Variants in ZDHHC2 observed in about 807,000 individuals in gnomAD.
The protein encoded by ZDHHC2 is palmitoyltransferase ZDHHC2.
A neutral mutation model predicts 55.6 loss-of-function variants in ZDHHC2; 51 were observed. That is an observed-to-expected ratio of 0.92 (90% confidence interval 0.73 to 1.16). The LOEUF (loss-of-function observed/expected upper bound fraction) is 1.16. Among genes scored for constraint, ZDHHC2 ranks in the 50% most tolerant of loss-of-function variants. The pLI, the probability that ZDHHC2 is intolerant of heterozygous loss-of-function variation, is 0.00. For synonymous variants in ZDHHC2, 199 were observed against 152.9 expected, an observed-to-expected ratio of 1.30 and a Z score of -2.22; for missense variants, 491 against 442.4, an observed-to-expected ratio of 1.11 and a Z score of -0.99.
chr8:17,203,056 C>T (rs1192576145), intron 6 of ZDHHC2, among the ~76,000 whole-genome samples: 1 of 124,418 alleles, frequency 8.0e-6, no homozygotes, highest in Non-Finnish European at 1.6e-5. Flanking sequence ...CCCATGTTGT[C>T]CAAAGTCTTT....
intron 1 of ZDHHC2, among the ~76,000 whole-genome samples, chr8:17,170,830 A>T (rs1804820606): frequency 6.6e-6 from 1 of 152,240 alleles, no homozygotes; most frequent in South Asian, 2.1e-4. Flanking sequence ...TAACCAATAT[A>T]CATGTGGGAC....
At chr8:17,199,478 CT>C (rs1806516649) in intron 6 of ZDHHC2, among the ~76,000 whole-genome samples, 1 of 30,806 alleles carries the variant, frequency 3.2e-5, no homozygotes, top group Admixed American at 3.1e-4. Flanking sequence ...TCTTCTTCTT[CT>C]TCTTCTTCTT....
At chr8:17,188,456 G>A (rs1805842817) in intron 3 of ZDHHC2, among the ~76,000 whole-genome samples, 1 of 152,024 alleles carries the variant, frequency 6.6e-6, no homozygotes, top group Admixed American at 6.6e-5. Context: ...TATACAACAT[G>A]GCATTATTTC....
At chr8:17,172,704 T>C (rs1804919754) in intron 1 of ZDHHC2, among the ~76,000 whole-genome samples, 1 of 152,208 alleles carries the variant, frequency 6.6e-6, no homozygotes, top group Non-Finnish European at 1.5e-5. Flanking sequence ...CTGTCTCTCT[T>C]AATGTCAGTG....
chr8:17,169,518 A>C (rs1423003240), intron 1 of ZDHHC2, among the ~76,000 whole-genome samples: 1 of 152,186 alleles, frequency 6.6e-6, no homozygotes, highest in Admixed American at 6.5e-5. Context: ...ATATTAGCAG[A>C]TGGAAATGGT....
At chr8:17,162,613 G>A (rs1208863423) in intron 1 of ZDHHC2, among the ~76,000 whole-genome samples, 6 of 152,078 alleles carry the variant, frequency 3.9e-5, no homozygotes, top group South Asian at 2.1e-4. Context: ...GGCATTTCCC[G>A]CCACAGAAAT....
At chr8:17,156,902 C>T (rs943997783) in intron 1 of ZDHHC2, 49 bp downstream of exon 1, 3 of 1,460,298 alleles carry the variant, frequency 2.1e-6, no homozygotes, top group Non-Finnish European at 2.7e-6. Flanking sequence ...CAGCCCACCC[C>T]GACTGTCCCG....
At chr8:17,210,573 A>G (rs1325790573) in intron 10 of ZDHHC2, 93 bp downstream of exon 10, 3 of 1,103,970 alleles carry the variant, frequency 2.7e-6, no homozygotes, top group Non-Finnish European at 3.8e-6. Context: ...AAAAATGAAG[A>G]CCATAAGAAA....
In ZDHHC2 at chr8:17,220,678, C is replaced by G. The variant is rs1006306533; in HGVS notation, c.*457C>G. The stretch of plus-strand genomic sequence containing the variant: ...AAGCATTATTCATAAAACTTGTTAC[C>G]TTTAAGAAGGTGGAAGTGGCAAACC... On this transcript the variant is annotated 3_prime_UTR_variant, in exon 13 of 13. Transcript: ENST00000262096. 1 of 152,108 alleles carries G rather than the reference C, an allele frequency of 6.6e-6. No homozygotes were observed. The highest frequency in any genetic ancestry group is 1.5e-5 in the Non-Finnish European group (1 of 68,018). 9.4% of individuals were successfully genotyped at this position (152,108 alleles called of 1,614,324 possible).
In ZDHHC2 at chr8:17,191,410, C is replaced by G. The variant is rs556817847; in HGVS notation, c.253-4094C>G. 2.8e-4 allele frequency among the ~76,000 whole-genome samples: 42 copies of G among 152,318 alleles called. 1 individual carries two copies. Among genetic ancestry groups the G allele is most frequent in the Admixed American group, 2.1e-3 (32 of 15,306 alleles). On this transcript the variant is annotated intron_variant, in intron 3 of 12. Coordinates refer to ENST00000262096, the MANE Select transcript of ZDHHC2 (RefSeq NM_016353.5). ...CTGCGCCCAGCCTTATTCATTCTTT[C>G]TAACTTTTTTGGTTTTGTTACCGTT... is the stretch of plus-strand genomic sequence containing the variant.
At chr8:17,199,612 C>CCT (rs1554466229) in intron 6 of ZDHHC2, among the ~76,000 whole-genome samples, 3,324 of 68,918 alleles carry the variant, frequency 0.048, 248 homozygotes, top group African/African-American at 0.12. Flanking sequence ...ATTCTTTCTT[C>CCT]TTCTTCTTCT....
At chr8:17,192,663 T>C (rs955274995) in intron 3 of ZDHHC2, among the ~76,000 whole-genome samples, 4 of 152,246 alleles carry the variant, frequency 2.6e-5, no homozygotes, top group African/African-American at 9.6e-5. Context: ...TTTGGTTGCC[T>C]GTGCTTGTGA....
At chr8:17,181,611 TAAATC>T (rs1374685481) in intron 1 of ZDHHC2, among the ~76,000 whole-genome samples, 2 of 152,202 alleles carry the variant, frequency 1.3e-5, no homozygotes, top group Non-Finnish European at 2.9e-5. Context: ...GCATCATTGT[TAAATC>T]AAACAAATTG....
intron 1 of ZDHHC2, among the ~76,000 whole-genome samples, chr8:17,176,702 G>A (rs1238246691): frequency 6.6e-6 from 1 of 152,094 alleles, no homozygotes; most frequent in Non-Finnish European, 1.5e-5. Flanking sequence ...ACACAAGAAA[G>A]CCCAGAGTGA....
rs1807876801 is a variant in ZDHHC2 at position 17,220,539 on chromosome 8, G to A, written c.*318G>A. 6.6e-6 allele frequency: 1 copy of A among 152,084 alleles called. No individual in the cohort carries two copies. The highest frequency in any genetic ancestry group is 1.5e-5 in the Non-Finnish European group (1 of 68,008). The allele number at this position is 152,084 out of a possible 1,614,324, so 9.4% of individuals were successfully genotyped here. ...AGGACCAGTTTTTACCCAAATATATGGGTAGCACAGTTTATCACATAGAAA... is the reference window on the plus strand; with the variant it reads ...AGGACCAGTTTTTACCCAAATATATAGGTAGCACAGTTTATCACATAGAAA... On this transcript the variant is annotated 3_prime_UTR_variant, in exon 13 of 13. Transcript: ENST00000262096.
chr8:17,179,488 A>G (rs1367804551), intron 1 of ZDHHC2, among the ~76,000 whole-genome samples: 1 of 152,184 alleles, frequency 6.6e-6, no homozygotes, highest in African/African-American at 2.4e-5. Flanking sequence ...AGCTTAGTGC[A>G]GCCTTGAACT....
intron 6 of ZDHHC2, among the ~76,000 whole-genome samples, chr8:17,202,489 T>A (rs1204231351): frequency 2.0e-5 from 3 of 152,210 alleles, no homozygotes; most frequent in African/African-American, 7.2e-5. Context: ...GGCCAACAGC[T>A]GTGTTTTACA....
rs1554466215 is a variant in ZDHHC2, at chr8:17,199,606, T to TTC, written c.476+1194_476+1195insCT. On this transcript the variant is annotated intron_variant, in intron 6 of 12. Coordinates refer to ENST00000262096, the MANE Select transcript of ZDHHC2 (RefSeq NM_016353.5). ...TCTTCTTCTTTCTTCTTCTTTATTC[T>TTC]TTCTTCTTCTTCTTCTTCCTTTCTT... is the stretch of plus-strand genomic sequence containing the variant. Among the ~76,000 whole-genome samples, 135 of 50,862 alleles carry TTC rather than the reference T, an allele frequency of 2.7e-3. 2 individuals are homozygous for TTC. The highest frequency in any genetic ancestry group is 3.4e-3 in the Non-Finnish European group (63 of 18,714). The allele number at this position is 50,862 out of a possible 152,430, so 33.4% of individuals were successfully genotyped here.
intron 1 of ZDHHC2, 114 bp downstream of exon 1, chr8:17,156,967 A>C (rs1248183763): frequency 9.7e-7 from 1 of 1,031,632 alleles, no homozygotes; most frequent in Non-Finnish European, 1.3e-6. Context: ...GGGCGCTGCC[A>C]ACCTGCCGCG....
Sources: gnomAD v4.1 joint callset for allele counts (sites outside exome capture counted in the v4.1 genomes callset) on GRCh38, gnomAD v4.1.1 for gene constraint, MANE v1.5 for transcripts, NCBI Gene and HGNC (gene_info 2026-07-23, HGNC 2026-07-21) for gene names.